Variants in TEX9 observed in about 807,000 individuals in gnomAD.
TEX9 encodes testis expressed 9.
TEX9 carries 74 observed loss-of-function variants against 59.6 expected under a neutral mutation model. The observed-to-expected ratio is 1.24, with a 90% CI of 1.03 to 1.51. The LOEUF is 1.51. Among genes scored for constraint, TEX9 ranks in the 40% most tolerant of loss-of-function variants. TEX9 has a pLI of 0.00. For missense variants in TEX9, 522 were observed against 447.8 expected (o/e 1.17, Z -1.49); for synonymous variants, 186 against 152.2 (o/e 1.22, Z -1.64).
chr15:56,264,328 A>G (rs1283985876), intron 1 of TEX9, among the ~76,000 whole-genome samples: 1 of 152,194 alleles, frequency 6.6e-6, no homozygotes, highest in Non-Finnish European at 1.5e-5. Flanking sequence ...CCCAAGCACT[A>G]CTAATGTAGA....
At chr15:56,279,283 T>TA (rs1174048278) in intron 1 of TEX9, among the ~76,000 whole-genome samples, 1 of 152,198 alleles carries the variant, frequency 6.6e-6, no homozygotes, top group Non-Finnish European at 1.5e-5. Flanking sequence ...GAATGACATA[T>TA]AGGAGGCTTT....
intron 1 of TEX9, among the ~76,000 whole-genome samples, chr15:56,260,951 T>C (rs1363986138): frequency 1.3e-5 from 2 of 151,942 alleles, no homozygotes; most frequent in African/African-American, 4.8e-5. Context: ...ATTTTTCTTT[T>C]ATCAGTTTAG....
chr15:56,254,717 TA>T (rs2044103991), intron 1 of TEX9, among the ~76,000 whole-genome samples: 1 of 151,582 alleles, frequency 6.6e-6, no homozygotes, highest in Non-Finnish European at 1.5e-5. Context: ...TTTATAAATT[TA>T]AAAAAGATGA....
intron 1 of TEX9, among the ~76,000 whole-genome samples, chr15:56,310,218 G>A (rs1339893737): frequency 6.6e-6 from 1 of 152,124 alleles, no homozygotes; most frequent in Non-Finnish European, 1.5e-5. Context: ...GACCACCTGA[G>A]GTCAGGAGTT....
upstream of TEX9, among the ~76,000 whole-genome samples, chr15:56,362,407 C>T (rs1015800698): frequency 6.6e-6 from 1 of 152,152 alleles, no homozygotes; most frequent in African/African-American, 2.4e-5. Context: ...TCCTCTTTGT[C>T]CCTGATAATT....
chr15:56,424,347 C>G (rs2050141930), intron 10 of TEX9, among the ~76,000 whole-genome samples: 1 of 152,070 alleles, frequency 6.6e-6, no homozygotes, highest in Non-Finnish European at 1.5e-5. Flanking sequence ...TTATCTTTTT[C>G]CATCTTTTTA....
intron 3 of TEX9, among the ~76,000 whole-genome samples, chr15:56,381,883 C>T (rs2047743967): frequency 6.6e-6 from 1 of 152,164 alleles, no homozygotes. Flanking sequence ...CACTCAAGGC[C>T]CTAGAGCTCT....
At chr15:56,356,970 G>T (rs1330387738) in intron 1 of TEX9, among the ~76,000 whole-genome samples, 1 of 152,106 alleles carries the variant, frequency 6.6e-6, no homozygotes, top group East Asian at 1.9e-4. Flanking sequence ...CTCGTATTTA[G>T]CTGGGTCCCA....
chr15:56,327,998 C>T (rs1448697586), intron 1 of TEX9, among the ~76,000 whole-genome samples: 1 of 152,040 alleles, frequency 6.6e-6, no homozygotes, highest in Admixed American at 6.5e-5. Context: ...TACTGAGACA[C>T]CAGCCAGGGC....
intron 1 of TEX9, among the ~76,000 whole-genome samples, chr15:56,334,983 TC>T (rs1437453463): frequency 6.6e-6 from 1 of 152,094 alleles, no homozygotes; most frequent in East Asian, 1.9e-4. Context: ...ATGACTTTTA[TC>T]CAAAAGACAG....
chr15:56,305,517 A>G (rs1332181964), intron 1 of TEX9, among the ~76,000 whole-genome samples: 3 of 152,170 alleles, frequency 2.0e-5, no homozygotes, highest in African/African-American at 7.2e-5. Context: ...AGAACGTACA[A>G]TGGGGAAAAG....
chr15:56,312,073 A>G (rs1464117199), intron 1 of TEX9, among the ~76,000 whole-genome samples: 4 of 149,932 alleles, frequency 2.7e-5, no homozygotes, highest in African/African-American at 9.8e-5. Flanking sequence ...GGTTGCGAAA[A>G]TTTTCTCCCA....
At chr15:56,457,404 G>A in the TEX9 span, among the ~76,000 whole-genome samples, 3 of 152,238 alleles carry the variant, frequency 2.0e-5, 1 homozygote, top group Admixed American at 6.5e-5. Context: ...CGTACCTATT[G>A]GAATGGCTAA....
chr15:56,277,908 C>G (rs1367216498), intron 1 of TEX9, among the ~76,000 whole-genome samples: 1 of 152,158 alleles, frequency 6.6e-6, no homozygotes, highest in Non-Finnish European at 1.5e-5. Context: ...CCTTTCTGCT[C>G]TCTGCCACTG....
intron 1 of TEX9, among the ~76,000 whole-genome samples, chr15:56,286,893 A>G (rs531100629): frequency 6.6e-6 from 1 of 151,806 alleles, no homozygotes; most frequent in South Asian, 2.1e-4. Flanking sequence ...TATTTTAACT[A>G]TTTCACTAAT....
downstream of TEX9, among the ~76,000 whole-genome samples, chr15:56,446,205 A>T (rs1044160565): frequency 4.6e-5 from 7 of 152,214 alleles, no homozygotes; most frequent in East Asian, 1.2e-3. Flanking sequence ...GTATATAAAC[A>T]TTCATATATA....
chr15:56,424,456 A>T (rs1443675177), intron 10 of TEX9, among the ~76,000 whole-genome samples: 1 of 152,012 alleles, frequency 6.6e-6, no homozygotes, highest in Non-Finnish European at 1.5e-5. Context: ...CATTCAATTT[A>T]TTTTGGTTAG....
intron 1 of TEX9, among the ~76,000 whole-genome samples, chr15:56,266,126 A>C (rs2044375572): frequency 6.7e-6 from 1 of 149,928 alleles, no homozygotes; most frequent in African/African-American, 2.5e-5. Flanking sequence ...TCATTATGTA[A>C]TTTCTCTCTT....
At chr15:56,253,596 G>T (rs904547379) in intron 1 of TEX9, among the ~76,000 whole-genome samples, 1 of 152,088 alleles carries the variant, frequency 6.6e-6, no homozygotes, top group African/African-American at 2.4e-5. Flanking sequence ...TCTCAGAAGG[G>T]TTCTCTTAGT....
Sources: allele counts gnomAD v4.1 joint callset (sites outside exome capture counted in the v4.1 genomes callset), GRCh38; gene constraint gnomAD v4.1.1; transcripts MANE v1.5; gene names NCBI Gene and HGNC (gene_info 2026-07-23, HGNC 2026-07-21).